The following SMARCAL1 variants were observed in gnomAD, a reference collection of about 807,000 sequenced individuals.
SMARCAL1 encodes SNF2 related chromatin remodeling annealing helicase 1, also known as ATP-driven annealing helicase.
In SMARCAL1, 58 loss-of-function variants were observed where a neutral mutation model predicts 94.5. The ratio of observed to expected loss-of-function variants is 0.61; its 90% confidence interval spans 0.50 to 0.76. SMARCAL1 has a LOEUF of 0.76. Among genes scored for constraint, SMARCAL1 ranks in the 30% least tolerant of loss-of-function variants. The pLI, the probability that SMARCAL1 is intolerant of heterozygous loss-of-function variation, is 0.00. For synonymous variants in SMARCAL1, 422 were observed against 455.1 expected (o/e 0.93, Z 0.93); for missense variants, 1,051 against 1,177.9 (o/e 0.89, Z 1.58).
In SMARCAL1 at chr2:216,440,572, C is replaced by G. The variant is rs567725672; in HGVS notation, c.1710+2087C>G. ...TTAAAATAAGCCTCATGAACATGGC[C>G]TGTGTTTATGAAGGTGTCTTGGGGC... On this transcript the variant is annotated intron_variant, in intron 10 of 17. Coordinates refer to ENST00000357276, the MANE Select transcript of SMARCAL1 (RefSeq NM_014140.4). Among the ~76,000 whole-genome samples, 4 of 152,244 alleles carry G rather than the reference C, an allele frequency of 2.6e-5. No homozygotes were observed. The South Asian group carries it at 8.3e-4, about 32-fold the overall frequency.
chr2:216,427,816 G>C (rs933264478), intron 6 of SMARCAL1, among the ~76,000 whole-genome samples: 1 of 152,312 alleles, frequency 6.6e-6, no homozygotes, highest in South Asian at 2.1e-4. Context: ...TGTGGCAAAA[G>C]ACTTTTGGAA....
chr2:216,430,500 A>G (rs1193611444), intron 7 of SMARCAL1, among the ~76,000 whole-genome samples: 1 of 152,200 alleles, frequency 6.6e-6, no homozygotes, highest in Admixed American at 6.5e-5. Context: ...CTGATTGATT[A>G]ATTTCTGAGT....
chr2:216,432,043 T>C (rs1693975429), intron 7 of SMARCAL1, among the ~76,000 whole-genome samples: 1 of 152,120 alleles, frequency 6.6e-6, no homozygotes, highest in Non-Finnish European at 1.5e-5. Flanking sequence ...TTTTTTCAGA[T>C]GGAGTTTCGC....
Position 216,414,866 on chromosome 2 carries a change from C to T in SMARCAL1, c.162C>T (p.Ser54=). The change falls in exon 3 of 18, where the codon TCC becomes TCT. Residue 54 remains serine (S), a synonymous_variant. Coordinates refer to ENST00000357276, the MANE Select transcript of SMARCAL1 (RefSeq NM_014140.4). ...GNPFQAKQGP[S]QNFPRESCKP... ...CATTCCAGGCCAAGCAAGGCCCATCCCAAAATTTCCCAAGGGAGTCTTGTA... is the reference window on the plus strand; with the variant it reads ...CATTCCAGGCCAAGCAAGGCCCATCTCAAAATTTCCCAAGGGAGTCTTGTA... 1 of 1,614,174 alleles carries T rather than the reference C, an allele frequency of 6.2e-7. No individual in the cohort carries two copies. Among genetic ancestry groups the T allele is most frequent in the Non-Finnish European group, 8.5e-7 (1 of 1,180,042 alleles).
intron 10 of SMARCAL1, among the ~76,000 whole-genome samples, chr2:216,443,393 A>G (rs1319014944): frequency 1.4e-5 from 2 of 147,056 alleles, no homozygotes; most frequent in East Asian, 2.0e-4. Context: ...AAAAGCTTGG[A>G]ATGGCATAGC....
intron 14 of SMARCAL1, among the ~76,000 whole-genome samples, chr2:216,469,837 T>C (rs1294584959): frequency 6.6e-6 from 1 of 152,218 alleles, no homozygotes; most frequent in East Asian, 1.9e-4. Flanking sequence ...ATTTATAATC[T>C]CACTAACAAC....
chr2:216,463,514 A>G (rs1236219656), intron 12 of SMARCAL1, among the ~76,000 whole-genome samples: 1 of 152,076 alleles, frequency 6.6e-6, no homozygotes, highest in Non-Finnish European at 1.5e-5. Flanking sequence ...CAGATTATGA[A>G]TTTTGGGGGG....
At chr2:216,462,798 C>G (rs1209329475) in intron 12 of SMARCAL1, among the ~76,000 whole-genome samples, 1 of 149,890 alleles carries the variant, frequency 6.7e-6, no homozygotes, top group Admixed American at 6.7e-5. Flanking sequence ...CGGACCTGGA[C>G]AACATAGTGA....
At chr2:216,478,129 A>T in intron 16 of SMARCAL1, 74 bp from the exon 17 acceptor site, 1 of 1,127,672 alleles carries the variant, frequency 8.9e-7, no homozygotes, top group Non-Finnish European at 1.4e-6. Flanking sequence ...AAGAACAAGG[A>T]GGGTGGCCTC....
intron 10 of SMARCAL1, among the ~76,000 whole-genome samples, chr2:216,443,919 A>G (rs1694252166): frequency 6.6e-6 from 1 of 152,208 alleles, no homozygotes; most frequent in South Asian, 2.1e-4. Flanking sequence ...TTTCTTCTGA[A>G]TGTCAAGCTT....
rs1693556506 is a variant in SMARCAL1 at position 216,415,033 on chromosome 2, G to A, written c.329G>A (p.Gly110Asp). The A allele has an allele frequency of 6.2e-7, 1 of 1,614,188 alleles. No homozygotes were observed. Among genetic ancestry groups the A allele is most frequent in the Non-Finnish European group, 8.5e-7 (1 of 1,180,032 alleles). Residue 110 changes from glycine to aspartate, a missense_variant, in exon 3 of 18, where the codon GGC becomes GAC. Around this residue, in one of 3 missense-constraint regions of SMARCAL1, gnomAD observed 398 missense variants for 395.2 expected, o/e 1.01. Transcript: ENST00000357276. ...KPEEMPTACP[G>D]HSPRSQMALT... is the part of the protein sequence containing the mutation. ...GAAGAAATGCCCACAGCCTGCCCAG[G>A]CCACAGTCCACGTAGTCAAATGGCT...
At chr2:216,464,880 C>G (rs1173805629) in intron 13 of SMARCAL1, among the ~76,000 whole-genome samples, 2 of 152,118 alleles carry the variant, frequency 1.3e-5, no homozygotes, top group African/African-American at 4.8e-5. Flanking sequence ...GGGCCAGGCT[C>G]AATGCCTGTA....
At chr2:216,473,172 A>G (rs1368472137) in intron 14 of SMARCAL1, among the ~76,000 whole-genome samples, 1 of 150,438 alleles carries the variant, frequency 6.6e-6, no homozygotes, top group Non-Finnish European at 1.5e-5. Flanking sequence ...TCACCCTCCC[A>G]TCCTCAAGCA....
At chr2:216,464,726 ACTT>A in intron 13 of SMARCAL1, 59 bp downstream of exon 13, 1 of 1,140,286 alleles carries the variant, frequency 8.8e-7, no homozygotes, top group Non-Finnish European at 1.3e-6. Flanking sequence ...AAAAAAAACA[ACTT>A]ATTACTTTAT....
chr2:216,473,773 G>T (rs1200067472), intron 14 of SMARCAL1, among the ~76,000 whole-genome samples: 4 of 152,082 alleles, frequency 2.6e-5, no homozygotes, highest in Non-Finnish European at 5.9e-5. Flanking sequence ...ATAAATAAAT[G>T]CCATTTAAAA....
At chr2:216,463,048 T>G (rs1315826877) in intron 12 of SMARCAL1, among the ~76,000 whole-genome samples, 1 of 152,174 alleles carries the variant, frequency 6.6e-6, no homozygotes, top group Non-Finnish European at 1.5e-5. Context: ...CATCCATGGT[T>G]ATTAGTTTTA....
chr2:216,429,331 T>C (rs952342688), intron 7 of SMARCAL1, among the ~76,000 whole-genome samples: 1 of 152,208 alleles, frequency 6.6e-6, no homozygotes, highest in East Asian at 1.9e-4. Flanking sequence ...GACTTGGTGA[T>C]AGGCCTGTCC....
intron 7 of SMARCAL1, among the ~76,000 whole-genome samples, chr2:216,431,767 G>A (rs1249140407): frequency 6.6e-6 from 1 of 152,188 alleles, no homozygotes; most frequent in African/African-American, 2.4e-5. Flanking sequence ...CTTTATTCAT[G>A]AACTATTAGC....
At chr2:216,415,848 G>A (rs1693588619) in intron 3 of SMARCAL1, 2 of 409,016 alleles carry the variant, frequency 4.9e-6, no homozygotes, top group African/African-American at 4.0e-5. Flanking sequence ...TTTTTAAGGT[G>A]ATGGAACTGG....
Sources: allele counts gnomAD v4.1 joint callset (sites outside exome capture counted in the v4.1 genomes callset), GRCh38; gene constraint gnomAD v4.1.1; regional missense constraint gnomAD v4.1.1; transcripts MANE v1.5; gene names NCBI Gene and HGNC (gene_info 2026-07-23, HGNC 2026-07-21).